GABRG3: variants seen among roughly 807,000 people sequenced by gnomAD.
GABRG3 encodes the protein gamma-aminobutyric acid receptor subunit gamma-3.
Under a neutral mutation model 48.8 loss-of-function variants are expected in GABRG3, and 25 were observed. The ratio of observed to expected loss-of-function variants is 0.51; its 90% CI spans 0.37 to 0.72. The LOEUF (loss-of-function observed/expected upper bound fraction) is 0.72, where lower values mean the gene tolerates loss of function less well. Among genes scored for constraint, GABRG3 ranks in the 30% least tolerant of loss-of-function variants. The pLI is 0.00. For missense variants in GABRG3, 394 were observed against 577.9 expected (o/e 0.68, Z 3.26); for synonymous variants, 227 against 217.6 (o/e 1.04, Z -0.38).
chr15:27,116,263 G>T (rs1897639915), intron 3 of GABRG3, among the ~76,000 whole-genome samples: 1 of 152,198 alleles, frequency 6.6e-6, no homozygotes, highest in Non-Finnish European at 1.5e-5. Flanking sequence ...GCTGGACTCA[G>T]AGGAGGCTGA....
intron 3 of GABRG3, among the ~76,000 whole-genome samples, chr15:27,305,167 G>T (rs1447435888): frequency 6.6e-6 from 1 of 151,720 alleles, no homozygotes. Flanking sequence ...ATTAGTTGAA[G>T]AGACGATTTT....
intron 5 of GABRG3, among the ~76,000 whole-genome samples, chr15:27,336,705 C>A (rs1893988616): frequency 6.6e-6 from 1 of 152,188 alleles, no homozygotes; most frequent in South Asian, 2.1e-4. Context: ...ACACAAAAAT[C>A]TATGTATACA....
intron 2 of GABRG3, among the ~76,000 whole-genome samples, chr15:27,012,340 T>G (rs1895704780): frequency 6.6e-6 from 1 of 152,190 alleles, no homozygotes; most frequent in African/African-American, 2.4e-5. Flanking sequence ...AAGAATTGTT[T>G]CTTTATTAAC....
In GABRG3 at chr15:26,994,329, T is replaced by A. The variant is rs80318537; in HGVS notation, c.202+17179T>A. 6.5e-3 allele frequency among the ~76,000 whole-genome samples: 996 copies of A among 152,116 alleles called. 12 individuals carry two copies. Among genetic ancestry groups the A allele is most frequent in the African/African-American group, 0.023 (954 of 41,552 alleles). The stretch of plus-strand genomic sequence containing the variant: ...GTGTGGTTTTCTCTGGTGGTTTGCT[T>A]TAATTTCTTTCTATTCTTTGTGTAT... On this transcript the variant is annotated intron_variant, in intron 2 of 9. Coordinates refer to ENST00000615808, the MANE Select transcript of GABRG3 (RefSeq NM_033223.5).
intron 3 of GABRG3, among the ~76,000 whole-genome samples, chr15:27,065,816 C>T (rs373754860): frequency 2.0e-5 from 3 of 152,182 alleles, no homozygotes; most frequent in Admixed American, 1.3e-4. Context: ...ATAACCTGAA[C>T]GTTCTTTCAG....
At chr15:27,087,930 TGTG>T (rs1211166018) in intron 3 of GABRG3, among the ~76,000 whole-genome samples, 1 of 149,542 alleles carries the variant, frequency 6.7e-6, no homozygotes, top group Non-Finnish European at 1.5e-5. Flanking sequence ...GTGGTGTGTG[TGTG>T]ATGTGCTGTG....
chr15:27,197,643 T>C (rs1888538510), intron 3 of GABRG3, among the ~76,000 whole-genome samples: 1 of 152,092 alleles, frequency 6.6e-6, no homozygotes, highest in East Asian at 1.9e-4. Context: ...AAAGAAAGAA[T>C]TAAGGATAAA....
chr15:27,326,139 C>T (rs1893605831), intron 3 of GABRG3, among the ~76,000 whole-genome samples: 1 of 152,190 alleles, frequency 6.6e-6, no homozygotes, highest in Non-Finnish European at 1.5e-5. Context: ...ACCGTGAACA[C>T]TGCAGTGGCT....
chr15:27,014,079 T>C (rs1247223229), intron 2 of GABRG3, among the ~76,000 whole-genome samples: 1 of 152,144 alleles, frequency 6.6e-6, no homozygotes, highest in Non-Finnish European at 1.5e-5. Flanking sequence ...TTTGCCTCTT[T>C]AGTACAATTG....
intron 3 of GABRG3, among the ~76,000 whole-genome samples, chr15:27,068,169 G>A (rs1329404179): frequency 6.6e-6 from 1 of 152,234 alleles, no homozygotes; most frequent in Non-Finnish European, 1.5e-5. Context: ...TCACAGGAAG[G>A]TGTCTCACTG....
intron 2 of GABRG3, among the ~76,000 whole-genome samples, chr15:27,024,966 C>T (rs372623536): frequency 1.4e-5 from 2 of 142,234 alleles, no homozygotes; most frequent in Non-Finnish European, 3.0e-5. Context: ...CAGAGGTTGC[C>T]GTGAGCTGAG....
At chr15:27,212,180 C>G (rs1352936014) in intron 3 of GABRG3, among the ~76,000 whole-genome samples, 1 of 152,038 alleles carries the variant, frequency 6.6e-6, no homozygotes, top group Non-Finnish European at 1.5e-5. Flanking sequence ...CTTCCCAGGA[C>G]CTAAAGGGGA....
Position 27,538,388 on chromosome 15 carries a change from A to T in GABRG3, c.*5507A>T, listed in dbSNP as rs1365708458. On this transcript the variant is annotated 3_prime_UTR_variant, in exon 10 of 10. Coordinates refer to ENST00000615808, the MANE Select transcript of GABRG3 (RefSeq NM_033223.5). ...AGCATGAGCTAGAAAATAATTAGGC[A>T]GACAAAACATATGTTCTCACACACA... The T allele has an allele frequency of 6.6e-6, 1 of 152,256 alleles. No homozygotes were observed. The highest frequency in any genetic ancestry group is 1.5e-5 in the Non-Finnish European group (1 of 68,046). The allele number at this position is 152,256 out of a possible 1,614,324, so 9.4% of individuals were successfully genotyped here. A position where few individuals can be genotyped will look rare whatever the true frequency, so the allele number is the denominator to read the frequency against.
At chr15:27,249,018 C>T (rs1321954174) in intron 3 of GABRG3, among the ~76,000 whole-genome samples, 2 of 152,034 alleles carry the variant, frequency 1.3e-5, no homozygotes, top group East Asian at 3.9e-4. Flanking sequence ...CACTGTTTGC[C>T]CCGAGGAGAA....
chr15:27,163,240 C>T (rs1887256776), intron 3 of GABRG3, among the ~76,000 whole-genome samples: 1 of 152,232 alleles, frequency 6.6e-6, no homozygotes, highest in African/African-American at 2.4e-5. Context: ...TGGCTCATGC[C>T]TGTAGTTCCA....
intron 3 of GABRG3, among the ~76,000 whole-genome samples, chr15:27,068,998 CT>C (rs959963527): frequency 6.6e-6 from 1 of 152,168 alleles, no homozygotes; most frequent in Non-Finnish European, 1.5e-5. Flanking sequence ...TTAAGTAGGA[CT>C]TTGTTTCCCC....
chr15:27,238,228 G>C (rs1413330706), intron 3 of GABRG3, among the ~76,000 whole-genome samples: 1 of 152,202 alleles, frequency 6.6e-6, no homozygotes, highest in Non-Finnish European at 1.5e-5. Context: ...TCCCTAGGAA[G>C]CAGTCACTGA....
intron 6 of GABRG3, among the ~76,000 whole-genome samples, chr15:27,500,225 T>C (rs1387137362): frequency 6.6e-6 from 1 of 151,698 alleles, no homozygotes; most frequent in Non-Finnish European, 1.5e-5. Context: ...ACCCCAGAGA[T>C]GATAAAGGAT....
chr15:27,273,543 G>A (rs1245983984), intron 3 of GABRG3, among the ~76,000 whole-genome samples: 2 of 152,208 alleles, frequency 1.3e-5, no homozygotes. Flanking sequence ...AGAGGAAGCT[G>A]ATGGCTCAAG....
Sources: allele counts gnomAD v4.1 joint callset (sites outside exome capture counted in the v4.1 genomes callset), GRCh38; gene constraint gnomAD v4.1.1; transcripts MANE v1.5; gene names NCBI Gene and HGNC (gene_info 2026-07-23, HGNC 2026-07-21).